Variants in ZNF219 observed in about 807,000 individuals in gnomAD.
The protein encoded by ZNF219 is zinc finger protein 219.
A neutral mutation model predicts 54.4 loss-of-function variants in ZNF219; 17 were observed. The observed-to-expected ratio is 0.31, with a 90% CI of 0.21 to 0.47. The LOEUF (loss-of-function observed/expected upper bound fraction) is 0.47, where lower values mean the gene tolerates loss of function less well. ZNF219 is among the 20% of genes least tolerant of loss of function. ZNF219 has a pLI of 1.00. For synonymous variants in ZNF219, 518 were observed against 476.4 expected (o/e 1.09, Z -1.14); for missense variants, 1,014 against 1,062.3 (o/e 0.95, Z 0.63).
chr14:21,095,759 T>C (rs561416922), intron 1 of ZNF219, among the ~76,000 whole-genome samples: 1 of 152,210 alleles, frequency 6.6e-6, no homozygotes, highest in Non-Finnish European at 1.5e-5. Context: ...CGTTCCTATC[T>C]GAAAACCATA....
chr14:21,092,219 C>G lies in ZNF219; in HGVS notation c.1078G>C (p.Ala360Pro). The G allele has an allele frequency of 6.9e-7, 1 of 1,445,616 alleles. No individual in the cohort carries two copies. The allele number at this position is 1,445,616 out of a possible 1,614,324, so 89.5% of individuals were successfully genotyped here. A position where few individuals can be genotyped will look rare whatever the true frequency, so the allele number is the denominator to read the frequency against. Residue 360 changes from alanine to proline, a missense_variant, in exon 3 of 5, where the codon GCG (alanine) becomes CCG (proline). Physicochemically the swap from Ala to Pro is conservative, Grantham distance 27 (BLOSUM62 -1). Around this residue, in one of 5 missense-constraint regions of ZNF219, gnomAD observed 272 missense variants for 248.9 expected, o/e 1.09. Coordinates refer to ENST00000360947, the MANE Select transcript of ZNF219 (RefSeq NM_016423.3). ...GTGGGAGCCGGGGCCAAGAGGAGCG[C>G]TGGGCCCAACGGCTCATAGGCCAGC... The part of the protein sequence containing the change: ...GLLAYEPLGP[A>P]LLLAPAPTPA...
Position 21,093,057 on chromosome 14 carries a change from T to C in ZNF219, c.240A>G (p.Pro80=), listed in dbSNP as rs770933409. The C allele has an allele frequency of 1.9e-6, 3 of 1,600,914 alleles. No individual in the cohort carries two copies. Among genetic ancestry groups the C allele is most frequent in the East Asian group, 2.2e-5 (1 of 44,574 alleles). The part of the protein sequence containing the change: ...SILALHLRAH[P]GAQAFQCPHC... ...GAGGGCACTGGAAGGCCTGGGCTCCTGGGTGCGCCCGCAGGTGCAAAGCAA... is the reference window on the plus strand; with the variant it reads ...GAGGGCACTGGAAGGCCTGGGCTCCCGGGTGCGCCCGCAGGTGCAAAGCAA... Residue 80 remains proline (P), a synonymous_variant, in exon 3 of 5, where the codon CCA becomes CCG. Transcript: ENST00000360947.
At chr14:21,101,484 C>T, upstream of ZNF219, 1 of 1,524,372 alleles carries the variant, frequency 6.6e-7, no homozygotes, top group Non-Finnish European at 8.9e-7. Context: ...CAGGTCTCAG[C>T]ATGTCCACTT....
upstream of ZNF219, chr14:21,103,729 C>T (rs560075832): frequency 5.7e-5 from 9 of 156,868 alleles, no homozygotes; most frequent in South Asian, 3.4e-4. Flanking sequence ...GCGGTAGGGG[C>T]GCTGTTGGAT....
upstream of ZNF219, among the ~76,000 whole-genome samples, chr14:21,099,794 T>G (rs1241806827): frequency 6.6e-6 from 1 of 152,214 alleles, no homozygotes; most frequent in Non-Finnish European, 1.5e-5. Flanking sequence ...ACAGAGAGAT[T>G]AAGCAACTTG....
rs202163682 is a variant in ZNF219 at position 21,090,569 on chromosome 14, G to C, written c.2136C>G (p.Pro712=). ...CTTGCCCCCCCAGCCCTGCCTCTCCGGGTCTGGACAGCCCGGAGCCCTCCT... is the reference window on the plus strand; with the variant it reads ...CTTGCCCCCCCAGCCCTGCCTCTCCCGGTCTGGACAGCCCGGAGCCCTCCT... ...EGEEGSGLSR[P]GEAGLGGQER Residue 712 remains proline, a synonymous_variant, in exon 5 of 5, where the codon CCC becomes CCG. Coordinates refer to ENST00000360947, the MANE Select transcript of ZNF219 (RefSeq NM_016423.3). The surrounding 1 kb of genome is among the most constrained non-coding windows in gnomAD (Gnocchi z 4.4). The C allele has an allele frequency of 3.1e-6, 5 of 1,603,868 alleles. No homozygotes were observed. Among genetic ancestry groups the C allele is most frequent in the Non-Finnish European group, 3.4e-6 (4 of 1,173,590 alleles).
chr14:21,094,489 C>T lies in ZNF219; in HGVS notation c.-83-815G>A, dbSNP rs1889167769. The stretch of plus-strand genomic sequence containing the variant: ...GGGCTGTTCCGAGGCAGGCTTTCCT[C>T]CTCTCTGCAGGGGAGAGGCTCCCTC... On this transcript the variant is annotated intron_variant, in intron 1 of 4. Coordinates refer to ENST00000360947, the MANE Select transcript of ZNF219 (RefSeq NM_016423.3). 1.8e-5 allele frequency: 8 copies of T among 449,148 alleles called. 1 individual carries two copies. The highest frequency in any genetic ancestry group is 9.4e-5 in the South Asian group (6 of 63,658). 27.8% of individuals were successfully genotyped at this position (449,148 alleles called of 1,614,324 possible). A position where few individuals can be genotyped will look rare whatever the true frequency, so the allele number is the denominator to read the frequency against.
At position 21,093,296 on chromosome 14, in the gene ZNF219, G is replaced by T; in HGVS notation, c.7-6C>A. The T allele has an allele frequency of 6.4e-7, 1 of 1,570,458 alleles. No individual in the cohort carries two copies. The highest frequency in any genetic ancestry group is 8.6e-7 in the Non-Finnish European group (1 of 1,166,856). On this transcript the variant is annotated splice_region_variant and splice_polypyrimidine_tract_variant and intron_variant, in intron 2 of 4. Transcript: ENST00000360947. Reference sequence around the variant, plus strand: ...GGGGCGCGGGGACGTGAGCCCTGTGGAGAAAGATCTGCGTAGAGCAAAGGG... The same window carrying T: ...GGGGCGCGGGGACGTGAGCCCTGTGTAGAAAGATCTGCGTAGAGCAAAGGG...
upstream of ZNF219, chr14:21,102,070 C>T: frequency 6.4e-7 from 1 of 1,551,440 alleles, no homozygotes; most frequent in Non-Finnish European, 8.7e-7. Flanking sequence ...TCAGGGTCTC[C>T]TCACTGGGAC....
chr14:21,097,668 G>A (rs1889351082), intron 1 of ZNF219, among the ~76,000 whole-genome samples: 1 of 152,166 alleles, frequency 6.6e-6, no homozygotes, highest in African/African-American at 2.4e-5. Flanking sequence ...AAGGATGATG[G>A]GGGGCAGGGT....
chr14:21,102,878 G>A, upstream of ZNF219: 4 of 1,470,992 alleles, frequency 2.7e-6, no homozygotes, highest in Non-Finnish European at 3.6e-6. Flanking sequence ...AATGGGGCAG[G>A]AGAGAAAAGA....
chr14:21,092,213 G>A lies in ZNF219; in HGVS notation c.1084C>T (p.Leu362Phe). The A allele has an allele frequency of 6.9e-7, 1 of 1,439,080 alleles. No homozygotes were observed. Among genetic ancestry groups the A allele is most frequent in the Admixed American group, 2.8e-5 (1 of 35,204 alleles). The allele number at this position is 1,439,080 out of a possible 1,614,324, so 89.1% of individuals were successfully genotyped here. ...GCCGGGGTGGGAGCCGGGGCCAAGAGGAGCGCTGGGCCCAACGGCTCATAG... is the reference window on the plus strand; with the variant it reads ...GCCGGGGTGGGAGCCGGGGCCAAGAAGAGCGCTGGGCCCAACGGCTCATAG... ...LAYEPLGPALLLAPAPTPAER... is the reference protein window; with the variant it reads ...LAYEPLGPALFLAPAPTPAER... The change falls in exon 3 of 5, where the codon CTC becomes TTC. Residue 362 changes from leucine (L) to phenylalanine (F), a missense_variant. Around this residue, in one of 5 missense-constraint regions of ZNF219, gnomAD observed 272 missense variants for 248.9 expected, o/e 1.09. Transcript: ENST00000360947.
chr14:21,101,287 C>A, upstream of ZNF219: 2 of 1,487,596 alleles, frequency 1.3e-6, no homozygotes, highest in South Asian at 1.2e-5. Flanking sequence ...ATAGACAGAA[C>A]CTATAACGCA....
At position 21,092,694 on chromosome 14, in the gene ZNF219, C is replaced by T; in HGVS notation, c.603G>A (p.Glu201=). ...CGLCSFGSSQ[E]EELLHHSLTA... ...TCAGGCTGTGGTGCAGCAGCTCCTC[C>T]TCCTGGCTGGAGCCGAAACTGCACA... is the stretch of plus-strand genomic sequence containing the variant. Residue 201 remains glutamate, a synonymous_variant, in exon 3 of 5, where the codon GAG becomes GAA. Transcript: ENST00000360947. 1 of 1,579,284 alleles carries T rather than the reference C, an allele frequency of 6.3e-7. No individual in the cohort carries two copies. The highest frequency in any genetic ancestry group is 8.6e-7 in the Non-Finnish European group (1 of 1,164,240).
chr14:21,093,015 C>T lies in ZNF219; in HGVS notation c.282G>A (p.Ala94=), dbSNP rs1889057725. ...GCGAGCGCAGCAGAGCCCGCTGCGC[C>T]GCGCGGTGGCCGCAGTGAGGGCACT... The part of the protein sequence containing the change: ...AFQCPHCGHR[A]AQRALLRSHL... Residue 94 remains alanine (A), a synonymous_variant, in exon 3 of 5, where the codon GCG becomes GCA. Coordinates refer to ENST00000360947, the MANE Select transcript of ZNF219 (RefSeq NM_016423.3). 3 of 1,598,194 alleles carry T rather than the reference C, an allele frequency of 1.9e-6. No homozygotes were observed. The highest frequency in any genetic ancestry group is 1.3e-5 in the African/African-American group (1 of 74,616).
intron 1 of ZNF219, chr14:21,094,390 C>A: frequency 2.2e-6 from 1 of 455,830 alleles, no homozygotes; most frequent in Non-Finnish European, 4.4e-6. Context: ...ACTGCAAATA[C>A]CGTATAGGAT....
chr14:21,091,878 C>G lies in ZNF219; in HGVS notation c.1419G>C (p.Ser473=). 6.4e-7 allele frequency: 1 copy of G among 1,554,772 alleles called. No homozygotes were observed. Among genetic ancestry groups the G allele is most frequent in the East Asian group, 2.3e-5 (1 of 43,184 alleles). Residue 473 remains serine (S), a synonymous_variant, in exon 3 of 5, where the codon TCG becomes TCC. Transcript: ENST00000360947. The stretch of plus-strand genomic sequence containing the variant: ...GTACCTACATACCCTGCGTGGCGGT[C>G]GATCTTGCCTGGGCCCCAGCAGCAG... The part of the protein sequence containing the change: ...SASAAGAQAR[S]TATQEENGLL...
upstream of ZNF219, chr14:21,103,452 G>T (rs1889779172): frequency 6.7e-6 from 6 of 900,904 alleles, no homozygotes; most frequent in Non-Finnish European, 9.7e-6. Context: ...CTGAAAAGCT[G>T]CTTTCTCCCT....
At position 21,092,103 on chromosome 14, in the gene ZNF219, G is replaced by C; in HGVS notation, c.1194C>G (p.Pro398=). The change falls in exon 3 of 5, where the codon CCC becomes CCG. Residue 398 remains proline, a synonymous_variant. Transcript: ENST00000360947. ...EGRPNGEGAE[P]GPGRSFGGFR... Reference sequence around the variant, plus strand: ...AGCCTCCGAAGCTGCGGCCGGGACCGGGCTCAGCACCCTCGCCGTTGGGCC... The same window carrying C: ...AGCCTCCGAAGCTGCGGCCGGGACCCGGCTCAGCACCCTCGCCGTTGGGCC... 6.5e-7 allele frequency: 1 copy of C among 1,532,650 alleles called. No individual in the cohort carries two copies. The allele number at this position is 1,532,650 out of a possible 1,614,324, so 94.9% of individuals were successfully genotyped here. A position where few individuals can be genotyped will look rare whatever the true frequency, so the allele number is the denominator to read the frequency against.
Sources: allele counts gnomAD v4.1 joint callset (sites outside exome capture counted in the v4.1 genomes callset), GRCh38; gene constraint gnomAD v4.1.1; regional missense constraint gnomAD v4.1.1; non-coding constraint Gnocchi (gnomAD v3.1); transcripts MANE v1.5; gene names NCBI Gene and HGNC (gene_info 2026-07-23, HGNC 2026-07-21).